Variants in CHRM3 observed in about 807,000 individuals in gnomAD.
CHRM3 encodes muscarinic acetylcholine receptor M3.
A neutral mutation model predicts 41.8 loss-of-function variants in CHRM3; 11 were observed. The observed-to-expected ratio is 0.26, with a 90% confidence interval of 0.17 to 0.44. The LOEUF (loss-of-function observed/expected upper bound fraction) is 0.44. Among genes scored for constraint, CHRM3 ranks in the 20% least tolerant of loss-of-function variants. The pLI, the probability that CHRM3 is intolerant of heterozygous loss-of-function variation, is 1.00. For synonymous variants in CHRM3, 297 were observed against 301.4 expected (o/e 0.99, Z 0.15); for missense variants, 571 against 745.4 (o/e 0.77, Z 2.72).
intron 2 of CHRM3, among the ~76,000 whole-genome samples, chr1:239,493,864 G>C (rs1667712746): frequency 6.6e-6 from 1 of 152,104 alleles, no homozygotes; most frequent in Non-Finnish European, 1.5e-5. Flanking sequence ...TCTCAAAATT[G>C]GGGCTTAGCC....
intron 5 of CHRM3, among the ~76,000 whole-genome samples, chr1:239,806,631 G>C (rs1670676300): frequency 6.6e-6 from 1 of 152,194 alleles, no homozygotes; most frequent in South Asian, 2.1e-4. Context: ...TACAGGCAGG[G>C]CTTCCTCTTG....
intron 4 of CHRM3, among the ~76,000 whole-genome samples, chr1:239,643,811 A>T (rs1671474498): frequency 1.3e-5 from 2 of 152,140 alleles, no homozygotes; most frequent in Admixed American, 1.3e-4. Context: ...CCCTAGTGAG[A>T]TGAACCCGGG....
intron 2 of CHRM3, among the ~76,000 whole-genome samples, chr1:239,516,513 T>G (rs2148233560): frequency 6.6e-6 from 1 of 152,358 alleles, no homozygotes; most frequent in African/African-American, 2.4e-5. Flanking sequence ...TTTAATACTC[T>G]TATATCAAAG....
chr1:239,439,168 A>C (rs1663507920), intron 1 of CHRM3, among the ~76,000 whole-genome samples: 1 of 152,182 alleles, frequency 6.6e-6, no homozygotes, highest in Non-Finnish European at 1.5e-5. Context: ...ATTCCTCTGA[A>C]GGTCTTTGAA....
intron 3 of CHRM3, among the ~76,000 whole-genome samples, chr1:239,565,786 T>C (rs1661299275): frequency 6.6e-6 from 1 of 151,976 alleles, no homozygotes; most frequent in African/African-American, 2.4e-5. Flanking sequence ...GAAAATAAAA[T>C]AACACCTCTG....
At chr1:239,899,312 TACAC>T (rs1156245757) in intron 6 of CHRM3, among the ~76,000 whole-genome samples, 1 of 145,994 alleles carries the variant, frequency 6.8e-6, no homozygotes, top group Non-Finnish European at 1.5e-5. Flanking sequence ...TGTGTGTATA[TACAC>T]ACACGCATAT....
intron 2 of CHRM3, among the ~76,000 whole-genome samples, chr1:239,519,671 A>G (rs970132674): frequency 2.0e-5 from 3 of 151,496 alleles, no homozygotes; most frequent in South Asian, 2.1e-4. Context: ...TATTTTATCC[A>G]TAAGAGAATT....
At chr1:239,645,590 A>T (rs1671674777) in intron 4 of CHRM3, among the ~76,000 whole-genome samples, 1 of 152,236 alleles carries the variant, frequency 6.6e-6, no homozygotes, top group African/African-American at 2.4e-5. Flanking sequence ...CATTTGAGAA[A>T]CAAATACCTA....
At chr1:239,722,034 C>T (rs1426994008) in intron 5 of CHRM3, among the ~76,000 whole-genome samples, 3 of 151,814 alleles carry the variant, frequency 2.0e-5, no homozygotes, top group African/African-American at 7.3e-5. Flanking sequence ...CATTAATTTG[C>T]CAATTCACAT....
intron 5 of CHRM3, among the ~76,000 whole-genome samples, chr1:239,820,988 T>G (rs1671995933): frequency 6.6e-6 from 1 of 152,190 alleles, no homozygotes; most frequent in South Asian, 2.1e-4. Context: ...TTGCTTATCT[T>G]TCTCTTACAC....
intron 4 of CHRM3, among the ~76,000 whole-genome samples, chr1:239,650,440 C>T (rs1672130127): frequency 6.6e-6 from 1 of 152,150 alleles, no homozygotes; most frequent in Non-Finnish European, 1.5e-5. Flanking sequence ...GCTCCTAACA[C>T]ACAGTAAACA....
At chr1:239,559,964 A>G (rs1475657025) in intron 3 of CHRM3, among the ~76,000 whole-genome samples, 1 of 152,138 alleles carries the variant, frequency 6.6e-6, no homozygotes, top group South Asian at 2.1e-4. Context: ...TCACATTGCA[A>G]TTTTTCAAAT....
At chr1:239,646,473 C>G (rs529907551) in intron 4 of CHRM3, among the ~76,000 whole-genome samples, 2 of 152,096 alleles carry the variant, frequency 1.3e-5, no homozygotes, top group African/African-American at 4.8e-5. Flanking sequence ...GGCACATATA[C>G]GCACTGTTGG....
At chr1:239,859,607 G>A (rs183534001) in intron 6 of CHRM3, among the ~76,000 whole-genome samples, 14 of 150,810 alleles carry the variant, frequency 9.3e-5, no homozygotes, top group African/African-American at 3.4e-4. Flanking sequence ...GTAGAGATGG[G>A]GTTTCACCAT....
intron 5 of CHRM3, among the ~76,000 whole-genome samples, chr1:239,782,084 A>G (rs79426046): frequency 0.05 from 7,643 of 151,972 alleles, 621 homozygotes; most frequent in African/African-American, 0.17. Context: ...CTTTTCCTGT[A>G]ATGTATTTGT....
intron 6 of CHRM3, among the ~76,000 whole-genome samples, chr1:239,869,881 T>G (rs892331983): frequency 1.3e-5 from 2 of 152,174 alleles, no homozygotes; most frequent in Non-Finnish European, 2.9e-5. Context: ...GGCAGGGGTT[T>G]CAGGCACTGG....
intron 5 of CHRM3, among the ~76,000 whole-genome samples, chr1:239,815,271 C>G (rs572528528): frequency 4.2e-4 from 64 of 152,304 alleles, no homozygotes; most frequent in African/African-American, 1.4e-3. Flanking sequence ...ACTGTCAGGA[C>G]ATATCAAAAT....
At chr1:239,523,871 G>A (rs1230541427) in intron 2 of CHRM3, among the ~76,000 whole-genome samples, 1 of 152,114 alleles carries the variant, frequency 6.6e-6, no homozygotes, top group Non-Finnish European at 1.5e-5. Flanking sequence ...ATCAGAAAAG[G>A]AGTTGTCAGC....
At chr1:239,554,631 A>T (rs529911292) in intron 3 of CHRM3, among the ~76,000 whole-genome samples, 68 of 152,114 alleles carry the variant, frequency 4.5e-4, no homozygotes, top group African/African-American at 1.6e-3. Flanking sequence ...AAAATTTGAC[A>T]TTTTTACTCA....
Sources: gnomAD v4.1 joint callset for allele counts (sites outside exome capture counted in the v4.1 genomes callset) on GRCh38, gnomAD v4.1.1 for gene constraint, MANE v1.5 for transcripts, NCBI Gene and HGNC (gene_info 2026-07-23, HGNC 2026-07-21) for gene names.